TMEM131L: variants seen among roughly 807,000 people sequenced by gnomAD.
TMEM131L encodes the protein transmembrane protein 131-like.
Under a neutral mutation model 192.2 loss-of-function variants are expected in TMEM131L, and 54 were observed. The ratio of observed to expected loss-of-function variants is 0.28; its 90% CI spans 0.23 to 0.35. The LOEUF is 0.35. TMEM131L is among the 10% of genes least tolerant of loss of function. The probability of loss-of-function intolerance (pLI) is 1.00; values close to 1 mark genes in which losing one functional copy is unlikely to be tolerated. For missense variants in TMEM131L, 1,888 were observed against 1,972.9 expected, an observed-to-expected ratio of 0.96 and a Z score of 0.82; for synonymous variants, 701 against 704.9, an observed-to-expected ratio of 0.99 and a Z score of 0.09.
intron 3 of TMEM131L, among the ~76,000 whole-genome samples, chr4:153,493,747 A>G (rs1047048959): frequency 1.3e-5 from 2 of 152,174 alleles, no homozygotes; most frequent in Admixed American, 1.3e-4. Context: ...TGAGTTGCCA[A>G]ACCTCTCCAT....
chr4:153,560,160 A>C (rs771153055), intron 7 of TMEM131L, among the ~76,000 whole-genome samples: 5 of 152,212 alleles, frequency 3.3e-5, no homozygotes, highest in Non-Finnish European at 7.3e-5. Flanking sequence ...TATCCATTAA[A>C]TAATCACATG....
chr4:153,481,164 CT>C (rs1271359537), intron 3 of TMEM131L, among the ~76,000 whole-genome samples: 2 of 151,850 alleles, frequency 1.3e-5, no homozygotes, highest in Non-Finnish European at 1.5e-5. Context: ...TGCCAAAACA[CT>C]TTTCTCTTCC....
chr4:153,612,065 A>T (rs368349899), intron 25 of TMEM131L, among the ~76,000 whole-genome samples, 187 bp from the exon 26 acceptor site: 1 of 152,118 alleles, frequency 6.6e-6, no homozygotes, highest in Non-Finnish European at 1.5e-5. Flanking sequence ...TTTTTGTAGA[A>T]CTCTTAATAT....
intron 3 of TMEM131L, among the ~76,000 whole-genome samples, chr4:153,505,694 T>A (rs1277061661): frequency 1.3e-5 from 2 of 152,220 alleles, no homozygotes; most frequent in Non-Finnish European, 2.9e-5. Flanking sequence ...TATGAGACAG[T>A]ACTATAATTT....
In TMEM131L at chr4:153,536,206, C is replaced by T. The variant is rs550224966; in HGVS notation, c.240-13867C>T. Among the ~76,000 whole-genome samples, 5 of 152,274 alleles carry T rather than the reference C, an allele frequency of 3.3e-5. No homozygotes were observed. The South Asian group carries it at 1.0e-3, about 32-fold the overall frequency. Reference sequence around the variant, plus strand: ...CCTGGCCACTGGGGGGGTTAACAAGCTGCTGATGGGGCAGAGGGAGTGAGG... The same window carrying T: ...CCTGGCCACTGGGGGGGTTAACAAGTTGCTGATGGGGCAGAGGGAGTGAGG... On this transcript the variant is annotated intron_variant, in intron 3 of 34. Coordinates refer to ENST00000409959, the MANE Select transcript of TMEM131L (RefSeq NM_001131007.2).
chr4:153,512,987 A>G (rs1734463701), intron 3 of TMEM131L, among the ~76,000 whole-genome samples: 2 of 152,194 alleles, frequency 1.3e-5, no homozygotes. Flanking sequence ...GTTTTAAATC[A>G]CCAGTCTGTC....
At chr4:153,581,040 T>G in intron 8 of TMEM131L, 137 bp downstream of exon 8, 2 of 609,604 alleles carry the variant, frequency 3.3e-6, no homozygotes, top group South Asian at 3.9e-5. Context: ...GATCACGAGG[T>G]CAGGAGATTG....
intron 3 of TMEM131L, among the ~76,000 whole-genome samples, chr4:153,530,725 C>T (rs1334946862): frequency 6.6e-6 from 1 of 152,172 alleles, no homozygotes; most frequent in Admixed American, 6.5e-5. Context: ...TGACATTGGA[C>T]CAGCAGCAGT....
intron 3 of TMEM131L, among the ~76,000 whole-genome samples, chr4:153,506,006 A>T (rs767952205): frequency 3.7e-4 from 56 of 152,338 alleles, no homozygotes; most frequent in Admixed American, 1.2e-3. Context: ...CAACTTTTTC[A>T]TGTAGTAAAA....
In TMEM131L at chr4:153,635,570, C is replaced by T. The variant is rs1329400260; in HGVS notation, c.4556C>T (p.Pro1519Leu). ...GGACATGCCAGTTTCATCAGCTCTCCGGTCAGTGTTGCCCATCCTGTGCCG... is the reference window on the plus strand; with the variant it reads ...GGACATGCCAGTTTCATCAGCTCTCTGGTCAGTGTTGCCCATCCTGTGCCG... ...AWGHASFISS[P>L]PYLTSTRSLS... The change falls in exon 34 of 35, where the codon CCG (proline) becomes CTG (leucine). Residue 1519 changes from proline to leucine, a missense_variant and splice_region_variant. Coordinates refer to ENST00000409959, the MANE Select transcript of TMEM131L (RefSeq NM_001131007.2). 8.7e-6 allele frequency: 14 copies of T among 1,613,962 alleles called. No homozygotes were observed. Among genetic ancestry groups the T allele is most frequent in the African/African-American group, 5.3e-5 (4 of 74,910 alleles).
At chr4:153,557,757 T>A (rs1348947890) in intron 6 of TMEM131L, among the ~76,000 whole-genome samples, 1 of 152,116 alleles carries the variant, frequency 6.6e-6, no homozygotes, top group African/African-American at 2.4e-5. Flanking sequence ...TTTGCTACAG[T>A]GAGGAACATT....
rs1256409126 is a variant in TMEM131L, at chr4:153,627,630, G to A, written c.4150G>A (p.Ala1384Thr). The A allele has an allele frequency of 6.8e-6, 11 of 1,613,862 alleles. No homozygotes were observed. Among genetic ancestry groups the A allele is most frequent in the East Asian group, 6.7e-5 (3 of 44,888 alleles). The change falls in exon 31 of 35, where the codon GCA (alanine) becomes ACA (threonine). Residue 1384 changes from alanine to threonine, a missense_variant. Physicochemically the swap from Ala to Thr is moderately conservative, Grantham distance 58 (BLOSUM62 0). Coordinates refer to ENST00000409959, the MANE Select transcript of TMEM131L (RefSeq NM_001131007.2). Reference protein sequence around the residue: ...PMTVNSLPQYAEPSCPSLPAG... With the variant: ...PMTVNSLPQYTEPSCPSLPAG... ...GACCGTGAATAGTCTCCCACAATACGCAGAGCCTTCCTGTCCCAGCCTTCC... is the reference window on the plus strand; with the variant it reads ...GACCGTGAATAGTCTCCCACAATACACAGAGCCTTCCTGTCCCAGCCTTCC...
intron 2 of TMEM131L, among the ~76,000 whole-genome samples, chr4:153,469,839 T>C (rs1415252359): frequency 6.6e-6 from 1 of 151,992 alleles, no homozygotes; most frequent in Non-Finnish European, 1.5e-5. Flanking sequence ...GGCAGGAGAA[T>C]TGCTTGAACC....
intron 3 of TMEM131L, among the ~76,000 whole-genome samples, chr4:153,529,134 A>G (rs1423092648): frequency 6.6e-6 from 1 of 152,076 alleles, no homozygotes; most frequent in Non-Finnish European, 1.5e-5. Flanking sequence ...CTCGGTGCTT[A>G]TGAGAAATGA....
At chr4:153,626,632 C>T (rs1387598930) in intron 30 of TMEM131L, among the ~76,000 whole-genome samples, 2 of 152,108 alleles carry the variant, frequency 1.3e-5, no homozygotes, top group Non-Finnish European at 2.9e-5. Context: ...GGCGTAGCGG[C>T]GCATGCCTGT....
chr4:153,603,838 C>T lies in TMEM131L; in HGVS notation c.2826C>T (p.Pro942=). Residue 942 remains proline, a synonymous_variant, in exon 25 of 35, where the codon CCC becomes CCT. Coordinates refer to ENST00000409959, the MANE Select transcript of TMEM131L (RefSeq NM_001131007.2). ...AGAACTTTCTCGATACATATGGCCC[C>T]TCTGATAAAGGCAGGGGGAAGAACT... ...NCKNFLDTYG[P]SDKGRGKNCL... 1 of 1,607,522 alleles carries T rather than the reference C, an allele frequency of 6.2e-7. No homozygotes were observed. Among genetic ancestry groups the T allele is most frequent in the Non-Finnish European group, 8.5e-7 (1 of 1,178,114 alleles).
chr4:153,547,763 A>G (rs1170007064), intron 3 of TMEM131L, among the ~76,000 whole-genome samples: 1 of 152,194 alleles, frequency 6.6e-6, no homozygotes, highest in African/African-American at 2.4e-5. Flanking sequence ...CAGTGCCTGA[A>G]CTTGACACAG....
chr4:153,475,864 A>G (rs954107447), intron 3 of TMEM131L, among the ~76,000 whole-genome samples: 4 of 152,240 alleles, frequency 2.6e-5, no homozygotes, highest in Non-Finnish European at 5.9e-5. Context: ...ACCATTTTAT[A>G]TCAGGGACTT....
At chr4:153,479,431 G>A (rs924624987) in intron 3 of TMEM131L, among the ~76,000 whole-genome samples, 2 of 152,202 alleles carry the variant, frequency 1.3e-5, no homozygotes, top group Non-Finnish European at 2.9e-5. Context: ...TGAGAGCAAA[G>A]GGGAACTGAC....
Sources: gnomAD v4.1 joint callset for allele counts (sites outside exome capture counted in the v4.1 genomes callset) on GRCh38, gnomAD v4.1.1 for gene constraint, MANE v1.5 for transcripts, NCBI Gene and HGNC (gene_info 2026-07-23, HGNC 2026-07-21) for gene names.